DHX57: variants seen among roughly 807,000 people sequenced by gnomAD.
DHX57 encodes the protein DExH-box helicase 57, also known as putative ATP-dependent RNA helicase DHX57.
Under a neutral mutation model 156.2 loss-of-function variants are expected in DHX57, and 105 were observed. That is an observed-to-expected ratio of 0.67 (90% CI 0.57 to 0.79). The LOEUF is 0.79. DHX57 is among the 30% of genes least tolerant of loss of function. The probability of loss-of-function intolerance (pLI) is 0.00; values close to 1 mark genes in which losing one functional copy is unlikely to be tolerated. For synonymous variants in DHX57, 704 were observed against 595.6 expected, an observed-to-expected ratio of 1.18 and a Z score of -2.65; for missense variants, 1,847 against 1,661.9, an observed-to-expected ratio of 1.11 and a Z score of -1.94.
Position 38,870,053 on chromosome 2 carries a change from G to C in DHX57, c.-6-1642C>G, listed in dbSNP as rs1251835087. Among the ~76,000 whole-genome samples, 3 of 152,064 alleles carry C rather than the reference G, an allele frequency of 2.0e-5. No individual in the cohort carries two copies. The East Asian group carries it at 5.8e-4, about 29-fold the overall frequency. On this transcript the variant is annotated intron_variant, in intron 1 of 23. Coordinates refer to ENST00000457308, the MANE Select transcript of DHX57 (RefSeq NM_198963.3). ...CAAATGGGAATTCTGGAGTTGAAAA[G>C]TATACTAATTGAAATTAAAAATTCA...
chr2:38,832,351 A>C (rs943809103), intron 13 of DHX57, among the ~76,000 whole-genome samples: 3 of 151,810 alleles, frequency 2.0e-5, no homozygotes, highest in Non-Finnish European at 4.4e-5. Flanking sequence ...GAGGCAGGAC[A>C]ATTGCTTGAA....
In DHX57 at chr2:38,873,751, G is replaced by T. The variant is rs112981029; in HGVS notation, c.-7+2036C>A. 8.8e-3 allele frequency among the ~76,000 whole-genome samples: 1,335 copies of T among 152,274 alleles called. 19 individuals carry two copies. The highest frequency in any genetic ancestry group is 0.029 in the African/African-American group (1,205 of 41,556). Reference sequence around the variant, plus strand: ...AAAAAAGACAAAATTTCTGCTTCATGAAGCTTACCTTCTAGAGGGTAACAC... The same window carrying T: ...AAAAAAGACAAAATTTCTGCTTCATTAAGCTTACCTTCTAGAGGGTAACAC... On this transcript the variant is annotated intron_variant, in intron 1 of 23. Transcript: ENST00000457308.
intron 6 of DHX57, among the ~76,000 whole-genome samples, chr2:38,857,328 A>G (rs933760941): frequency 1.3e-5 from 2 of 152,220 alleles, no homozygotes; most frequent in Non-Finnish European, 2.9e-5. Flanking sequence ...CAGTCACTAC[A>G]ACTATATAAA....
intron 12 of DHX57, among the ~76,000 whole-genome samples, chr2:38,841,082 CA>C (rs1312127134): frequency 6.6e-6 from 1 of 152,214 alleles, no homozygotes; most frequent in African/African-American, 2.4e-5. Context: ...CTCAGCCTCC[CA>C]AAGTGTTGGG....
chr2:38,842,512 T>TA (rs1378287223), intron 12 of DHX57, among the ~76,000 whole-genome samples: 1 of 151,994 alleles, frequency 6.6e-6, no homozygotes, highest in Non-Finnish European at 1.5e-5. Flanking sequence ...AAAGACACAC[T>TA]AAAGTATTAA....
chr2:38,834,377 A>G (rs937068615), intron 13 of DHX57, among the ~76,000 whole-genome samples: 1 of 151,938 alleles, frequency 6.6e-6, no homozygotes, highest in African/African-American at 2.4e-5. Flanking sequence ...AACTGCATAC[A>G]ATGAACTATA....
intron 22 of DHX57, among the ~76,000 whole-genome samples, chr2:38,805,485 A>G (rs1558352004): frequency 6.6e-6 from 1 of 152,228 alleles, no homozygotes; most frequent in Non-Finnish European, 1.5e-5. Flanking sequence ...GGTTGGAGAC[A>G]GAAAGCACCA....
At chr2:38,839,463 G>A (rs1274388919) in intron 12 of DHX57, among the ~76,000 whole-genome samples, 8 of 151,496 alleles carry the variant, frequency 5.3e-5, no homozygotes, top group Non-Finnish European at 1.2e-4. Context: ...TGTAATCCCA[G>A]CACTTTGGGA....
chr2:38,864,886 C>A (rs1317467043), intron 2 of DHX57, among the ~76,000 whole-genome samples: 1 of 152,196 alleles, frequency 6.6e-6, no homozygotes, highest in East Asian at 1.9e-4. Context: ...TCAAGGTTAA[C>A]CATGATACCC....
At chr2:38,817,465 C>T (rs942857308) in intron 19 of DHX57, among the ~76,000 whole-genome samples, 3 of 151,980 alleles carry the variant, frequency 2.0e-5, no homozygotes, top group Non-Finnish European at 2.9e-5. Flanking sequence ...CAGGTATGAG[C>T]CACCATGCCC....
chr2:38,866,771 A>G (rs1665094733), intron 2 of DHX57, among the ~76,000 whole-genome samples: 1 of 152,248 alleles, frequency 6.6e-6, no homozygotes, highest in African/African-American at 2.4e-5. Context: ...CTCAGAAGTT[A>G]GGTTCTTGGC....
rs535157621 is a variant in DHX57 at position 38,806,696 on chromosome 2, AAAC to A, written c.3682-6_3682-4del. 3.7e-6 allele frequency: 6 copies of A among 1,613,074 alleles called. No homozygotes were observed. Among genetic ancestry groups the A allele is most frequent in the African/African-American group, 1.3e-5 (1 of 74,844 alleles). On this transcript the variant is annotated splice_polypyrimidine_tract_variant and splice_region_variant and intron_variant, in intron 21 of 23. Coordinates refer to ENST00000457308, the MANE Select transcript of DHX57 (RefSeq NM_198963.3). ...AATTTTCCTTCTGGGCTTTTCACCT[AAAC>A]AACAAGTATTTGTAAAAATAGACAT... is the stretch of plus-strand genomic sequence containing the variant.
intron 21 of DHX57, 50 bp downstream of exon 21, chr2:38,813,771 G>C (rs760021695): frequency 3.3e-5 from 52 of 1,593,446 alleles, no homozygotes; most frequent in Non-Finnish European, 4.3e-5. Context: ...ACATCACTTG[G>C]CTACAAATCA....
chr2:38,868,753 T>C (rs572608870), intron 1 of DHX57, among the ~76,000 whole-genome samples: 5 of 152,306 alleles, frequency 3.3e-5, no homozygotes, highest in African/African-American at 9.6e-5. Context: ...AAAATACACA[T>C]GTCTAGGCTT....
intron 1 of DHX57, among the ~76,000 whole-genome samples, chr2:38,872,152 A>G (rs1433490719): frequency 6.6e-6 from 1 of 152,216 alleles, no homozygotes; most frequent in African/African-American, 2.4e-5. Context: ...TGTCTAATAC[A>G]TGAACTTTGG....
At chr2:38,865,119 CTTTA>C (rs760725119) in intron 2 of DHX57, among the ~76,000 whole-genome samples, 7 of 152,132 alleles carry the variant, frequency 4.6e-5, no homozygotes, top group Non-Finnish European at 8.8e-5. Context: ...TTTCTCTTAG[CTTTA>C]TTTATTTTTT....
At chr2:38,821,711 CA>C (rs1670826187) in intron 17 of DHX57, among the ~76,000 whole-genome samples, 1 of 151,740 alleles carries the variant, frequency 6.6e-6, no homozygotes, top group Non-Finnish European at 1.5e-5. Context: ...AAAATAAAAC[CA>C]AAAGTTGATT....
intron 17 of DHX57, among the ~76,000 whole-genome samples, chr2:38,820,012 C>A (rs3112142): frequency 0.23 from 34,268 of 152,104 alleles, 3,978 homozygotes; most frequent in Admixed American, 0.27. Flanking sequence ...TTCTCAGGCT[C>A]TAAAGGTATC....
At chr2:38,842,276 G>A (rs1672048701) in intron 12 of DHX57, among the ~76,000 whole-genome samples, 1 of 152,182 alleles carries the variant, frequency 6.6e-6, no homozygotes, top group African/African-American at 2.4e-5. Flanking sequence ...AAAGACAAAG[G>A]ATGAGGAGCT....
Sources: allele counts gnomAD v4.1 joint callset (sites outside exome capture counted in the v4.1 genomes callset), GRCh38; gene constraint gnomAD v4.1.1; transcripts MANE v1.5; gene names NCBI Gene and HGNC (gene_info 2026-07-23, HGNC 2026-07-21).